The following SLC8A1 variants were observed in gnomAD, a reference collection of about 807,000 sequenced individuals.
SLC8A1 encodes sodium/calcium exchanger 1.
A neutral mutation model predicts 68.3 loss-of-function variants in SLC8A1; 18 were observed. That is an observed-to-expected ratio of 0.26 (90% CI 0.18 to 0.39). The LOEUF (loss-of-function observed/expected upper bound fraction) is 0.39, where lower values mean the gene tolerates loss of function less well. Ranked by LOEUF, SLC8A1 falls within the 10% of genes least tolerant of loss-of-function variation. The pLI is 1.00. For missense variants in SLC8A1, 985 were observed against 1,156.7 expected (o/e 0.85, Z 2.15); for synonymous variants, 475 against 415.5 (o/e 1.14, Z -1.74).
chr2:40,473,450 T>A (rs1704109892), intron 1 of SLC8A1, among the ~76,000 whole-genome samples: 1 of 152,180 alleles, frequency 6.6e-6, no homozygotes. Flanking sequence ...TTTTTCTCCA[T>A]AGCACATAAC....
exon 8 of SLC8A1, chr2:40,099,625 C>T (rs1375065637): frequency 6.6e-6 from 1 of 151,976 alleles, no homozygotes; most frequent in Non-Finnish European, 1.5e-5. Context: ...ATAGGCTATT[C>T]TTCCCTTTTT....
chr2:40,471,682 T>C (rs1014192939), intron 1 of SLC8A1, among the ~76,000 whole-genome samples: 5 of 152,188 alleles, frequency 3.3e-5, no homozygotes, highest in African/African-American at 1.2e-4. Context: ...ACCCTATTCA[T>C]GTAACCCAAG....
intron 7 of SLC8A1, among the ~76,000 whole-genome samples, chr2:40,116,655 C>G (rs2035481025): frequency 7.7e-6 from 1 of 129,666 alleles, no homozygotes; most frequent in African/African-American, 2.5e-5. Context: ...GATGCAATAT[C>G]ACAACTAGGA....
chr2:40,279,001 A>G (rs1387616995), intron 2 of SLC8A1, among the ~76,000 whole-genome samples: 1 of 152,148 alleles, frequency 6.6e-6, no homozygotes, highest in Non-Finnish European at 1.5e-5. Context: ...TTGATCTCAG[A>G]TTTTTAAGAT....
chr2:40,339,612 A>G (rs1317571550), intron 2 of SLC8A1, among the ~76,000 whole-genome samples: 1 of 152,244 alleles, frequency 6.6e-6, no homozygotes, highest in Non-Finnish European at 1.5e-5. Context: ...ATTAACTAAT[A>G]TAGGTTATGA....
chr2:40,234,661 C>A (rs1293037043), intron 2 of SLC8A1, among the ~76,000 whole-genome samples: 1 of 152,200 alleles, frequency 6.6e-6, no homozygotes, highest in Admixed American at 6.5e-5. Context: ...TGAGAGAGGG[C>A]ATCCCTGTCT....
chr2:40,107,970 A>C (rs895483951), exon 8 of SLC8A1: 2 of 152,230 alleles, frequency 1.3e-5, no homozygotes, highest in African/African-American at 4.8e-5. Context: ...GTACATTAGA[A>C]AGCCAGTGTA....
intron 2 of SLC8A1, among the ~76,000 whole-genome samples, chr2:40,308,207 C>A (rs904277888): frequency 1.3e-5 from 2 of 152,126 alleles, no homozygotes; most frequent in African/African-American, 4.8e-5. Context: ...CCTCATGATT[C>A]GTGGCAGTGA....
chr2:40,305,962 G>A (rs926498953), intron 2 of SLC8A1, among the ~76,000 whole-genome samples: 2 of 152,158 alleles, frequency 1.3e-5, no homozygotes, highest in Admixed American at 1.3e-4. Context: ...CAAGCAGGAT[G>A]GTGCATTTTG....
intron 2 of SLC8A1, among the ~76,000 whole-genome samples, chr2:40,227,707 T>TTAA (rs200239606): frequency 1.5e-3 from 228 of 151,958 alleles, no homozygotes; most frequent in African/African-American, 5.2e-3. Flanking sequence ...ACTTAAAAGT[T>TTAA]TAATAATAAT....
At chr2:40,395,461 T>A (rs1686621723) in intron 2 of SLC8A1, among the ~76,000 whole-genome samples, 1 of 152,078 alleles carries the variant, frequency 6.6e-6, no homozygotes, top group African/African-American at 2.4e-5. Context: ...ACCACCAGAT[T>A]CTTCCTAATT....
chr2:40,252,063 G>T (rs1437849809), intron 2 of SLC8A1, among the ~76,000 whole-genome samples: 3 of 152,098 alleles, frequency 2.0e-5, no homozygotes, highest in African/African-American at 7.2e-5. Flanking sequence ...AACAATAAAT[G>T]GTTAATCAGT....
intron 2 of SLC8A1, among the ~76,000 whole-genome samples, chr2:40,365,859 C>T (rs895874022): frequency 2.6e-5 from 4 of 151,718 alleles, no homozygotes; most frequent in Non-Finnish European, 4.4e-5. Flanking sequence ...TATATATATG[C>T]ATGATGGTGC....
chr2:40,273,254 T>C (rs1349420195), intron 2 of SLC8A1, among the ~76,000 whole-genome samples: 3 of 147,080 alleles, frequency 2.0e-5, no homozygotes, highest in East Asian at 2.0e-4. Flanking sequence ...CAAATACTCT[T>C]TTTTTTTTTT....
intron 7 of SLC8A1, among the ~76,000 whole-genome samples, chr2:40,120,506 T>C (rs1252514237): frequency 6.6e-6 from 1 of 152,204 alleles, no homozygotes; most frequent in Non-Finnish European, 1.5e-5. Context: ...AATTAGAGTA[T>C]CTCTAAGACT....
intron 1 of SLC8A1, among the ~76,000 whole-genome samples, chr2:40,461,801 A>T (rs1290906720): frequency 6.6e-6 from 1 of 152,098 alleles, no homozygotes. Flanking sequence ...AGATAAAATA[A>T]ATTGTTTGAT....
chr2:40,238,515 A>G (rs1458909399), intron 2 of SLC8A1, among the ~76,000 whole-genome samples: 2 of 152,072 alleles, frequency 1.3e-5, no homozygotes, highest in Non-Finnish European at 2.9e-5. Context: ...GGCACTCCCT[A>G]GTGAGATGAA....
chr2:40,274,282 T>C (rs1008661136), intron 2 of SLC8A1, among the ~76,000 whole-genome samples: 18 of 150,738 alleles, frequency 1.2e-4, no homozygotes, highest in Admixed American at 2.7e-4. Context: ...CATAAATGTA[T>C]TGAGTAATCC....
intron 2 of SLC8A1, among the ~76,000 whole-genome samples, chr2:40,230,310 T>TG (rs1158445863): frequency 6.6e-6 from 1 of 152,212 alleles, no homozygotes; most frequent in East Asian, 1.9e-4. Context: ...ATAAGCTTCT[T>TG]GCTGTTATCA....
Sources: allele counts gnomAD v4.1 joint callset (sites outside exome capture counted in the v4.1 genomes callset), GRCh38; gene constraint gnomAD v4.1.1; transcripts MANE v1.5; gene names NCBI Gene and HGNC (gene_info 2026-07-23, HGNC 2026-07-21).